The following DEUP1 variants were observed in gnomAD, a reference collection of about 807,000 sequenced individuals.
DEUP1 encodes the protein coiled-coil domain containing 67.
In DEUP1, 82 loss-of-function variants were observed where a neutral mutation model predicts 87.4. The observed-to-expected ratio is 0.94, with a 90% CI of 0.78 to 1.13. DEUP1 has a LOEUF of 1.13. Among genes scored for constraint, DEUP1 ranks in the 50% most tolerant of loss-of-function variants. DEUP1 has a pLI of 0.00. For synonymous variants in DEUP1, 214 were observed against 222.7 expected (o/e 0.96, Z 0.35); for missense variants, 663 against 681.5 (o/e 0.97, Z 0.30).
intron 2 of DEUP1, among the ~76,000 whole-genome samples, chr11:93,346,949 A>G (rs1403639944): frequency 6.6e-6 from 1 of 152,150 alleles, no homozygotes; most frequent in Non-Finnish European, 1.5e-5. Flanking sequence ...TTGGGTCAAG[A>G]CTATGGGGTT....
chr11:93,375,898 G>A (rs1444744070), intron 7 of DEUP1, among the ~76,000 whole-genome samples: 1 of 152,112 alleles, frequency 6.6e-6, no homozygotes, highest in East Asian at 1.9e-4. Flanking sequence ...GAATTTAGCT[G>A]TGAATCTGTC....
At chr11:93,346,765 C>T (rs945424666) in intron 2 of DEUP1, among the ~76,000 whole-genome samples, 2 of 152,252 alleles carry the variant, frequency 1.3e-5, no homozygotes, top group Non-Finnish European at 2.9e-5. Flanking sequence ...CCAGTTCCCT[C>T]GTGAGCTGTA....
At chr11:93,413,074 T>A (rs1187559608) in intron 12 of DEUP1, among the ~76,000 whole-genome samples, 1 of 152,142 alleles carries the variant, frequency 6.6e-6, no homozygotes, top group Non-Finnish European at 1.5e-5. Context: ...AATTAGATAG[T>A]CTTTGGATAA....
chr11:93,409,668 C>A (rs570932442), intron 12 of DEUP1, among the ~76,000 whole-genome samples: 12 of 152,252 alleles, frequency 7.9e-5, no homozygotes, highest in African/African-American at 2.6e-4. Context: ...GCATGAAAAA[C>A]CTTCTATTTT....
chr11:93,340,562 G>T (rs921121007), intron 2 of DEUP1, among the ~76,000 whole-genome samples: 3 of 152,162 alleles, frequency 2.0e-5, no homozygotes, highest in Non-Finnish European at 2.9e-5. Flanking sequence ...ATTTTAAAAG[G>T]CTCGCTCTAG....
intron 2 of DEUP1, among the ~76,000 whole-genome samples, chr11:93,343,538 A>G (rs1469766199): frequency 2.0e-5 from 3 of 152,250 alleles, no homozygotes; most frequent in African/African-American, 7.2e-5. Context: ...CCCTGAAGAA[A>G]GAGATTAGTG....
intron 7 of DEUP1, among the ~76,000 whole-genome samples, chr11:93,374,419 A>T (rs1026631768): frequency 3.9e-5 from 6 of 152,280 alleles, no homozygotes; most frequent in African/African-American, 1.4e-4. Flanking sequence ...CAGGTCTTAG[A>T]TTTAAGTCTT....
At chr11:93,432,423 T>C (rs114234782) in intron 13 of DEUP1, among the ~76,000 whole-genome samples, 395 of 152,234 alleles carry the variant, frequency 2.6e-3, no homozygotes, top group African/African-American at 9.1e-3. Flanking sequence ...AAAGTGAACA[T>C]ACTAGGGAAG....
At chr11:93,379,968 A>G (rs529503910) in intron 7 of DEUP1, among the ~76,000 whole-genome samples, 4 of 152,346 alleles carry the variant, frequency 2.6e-5, no homozygotes. Context: ...AGCAGTACTC[A>G]TTGCCTAATT....
chr11:93,412,343 T>C (rs1947461433), intron 12 of DEUP1, among the ~76,000 whole-genome samples: 1 of 152,318 alleles, frequency 6.6e-6, no homozygotes, highest in South Asian at 2.1e-4. Context: ...TGTGAGAGGA[T>C]ATTAAAAGCC....
At chr11:93,417,701 A>G (rs1591259065) in intron 13 of DEUP1, among the ~76,000 whole-genome samples, 1 of 145,986 alleles carries the variant, frequency 6.8e-6, no homozygotes, top group Non-Finnish European at 1.5e-5. Flanking sequence ...ATATGGAACC[A>G]AAAAAGAGCC....
At chr11:93,368,109 T>C (rs1945513974) in intron 5 of DEUP1, among the ~76,000 whole-genome samples, 1 of 152,232 alleles carries the variant, frequency 6.6e-6, no homozygotes, top group Non-Finnish European at 1.5e-5. Flanking sequence ...GCTGTATAAC[T>C]GCACTACTTG....
intron 2 of DEUP1, among the ~76,000 whole-genome samples, chr11:93,349,552 G>A (rs569585716): frequency 5.6e-4 from 83 of 149,476 alleles, no homozygotes; most frequent in Non-Finnish European, 1.1e-3. Flanking sequence ...TTATCTTAAA[G>A]TTCCAAATGG....
At position 93,437,746 on chromosome 11, in the gene DEUP1, C is replaced by CCG. The variant is rs1555068627; in HGVS notation, c.*28_*29insGC. On this transcript the variant is annotated 3_prime_UTR_variant, in exon 14 of 14. Transcript: ENST00000298050. ...CTTTTAAACTTTTTTATTTGCTTCC[C>CCG]CCCCCCACCCCCGCCAAGAAAAAAA... The CCG allele has an allele frequency of 1.7e-5, 18 of 1,047,246 alleles. No homozygotes were observed. The highest frequency in any genetic ancestry group is 1.2e-4 in the South Asian group (8 of 67,112). 64.9% of individuals were successfully genotyped at this position (1,047,246 alleles called of 1,614,324 possible). A position where few individuals can be genotyped will look rare whatever the true frequency, so the allele number is the denominator to read the frequency against.
At position 93,420,000 on chromosome 11, in the gene DEUP1, T is replaced by TA. The variant is rs1331161397; in HGVS notation, c.1638+4887dup. 4.3e-4 allele frequency among the ~76,000 whole-genome samples: 65 copies of TA among 152,232 alleles called. 1 individual carries two copies. Among genetic ancestry groups the TA allele is most frequent in the African/African-American group, 1.5e-3 (61 of 41,538 alleles). ...TACCAAAGGTACAAGGAGGAGCTGG[T>TA]ACCCTTCCTTCTGAAACCATTCCAA... On this transcript the variant is annotated intron_variant, in intron 13 of 13. Transcript: ENST00000298050.
At chr11:93,367,355 G>C (rs1004408649) in intron 5 of DEUP1, among the ~76,000 whole-genome samples, 9 of 152,014 alleles carry the variant, frequency 5.9e-5, no homozygotes, top group African/African-American at 2.2e-4. Context: ...ACAAAATAAA[G>C]CTTTCATTCT....
At position 93,355,540 on chromosome 11, in the gene DEUP1, G is replaced by C. The variant is rs751944109; in HGVS notation, c.199G>C (p.Glu67Gln). 3 of 1,612,902 alleles carry C rather than the reference G, an allele frequency of 1.9e-6. No homozygotes were observed. The highest frequency in any genetic ancestry group is 2.2e-5 in the South Asian group (2 of 90,958). ...AQTCLDQKGQ[E>Q]VGLLRQKLDS... ...AACTTGTTTGGATCAGAAAGGTCAA[G>C]AGGTACTGAATACATATGTTAACAA... Residue 67 changes from glutamate (E) to glutamine (Q), a missense_variant and splice_region_variant, in exon 3 of 14, where the codon GAG becomes CAG. Coordinates refer to ENST00000298050, the MANE Select transcript of DEUP1 (RefSeq NM_181645.4).
intron 11 of DEUP1, among the ~76,000 whole-genome samples, chr11:93,400,782 A>T (rs1427230907): frequency 6.6e-6 from 1 of 152,134 alleles, no homozygotes; most frequent in Admixed American, 6.6e-5. Flanking sequence ...CCCCCCACAG[A>T]ATACCAAAAA....
intron 9 of DEUP1, 79 bp from the exon 10 acceptor site, chr11:93,394,380 C>T (rs1946869667): frequency 2.8e-6 from 3 of 1,056,034 alleles, no homozygotes; most frequent in Non-Finnish European, 4.0e-6. Context: ...AATAGAAGGA[C>T]TGAACATGGC....
Sources: gnomAD v4.1 joint callset for allele counts (sites outside exome capture counted in the v4.1 genomes callset) on GRCh38, gnomAD v4.1.1 for gene constraint, MANE v1.5 for transcripts, NCBI Gene and HGNC (gene_info 2026-07-23, HGNC 2026-07-21) for gene names.